Variants in TLL1 observed in about 807,000 individuals in gnomAD.
TLL1 encodes the protein tolloid-like protein 1.
TLL1 carries 49 observed loss-of-function variants against 128.2 expected under a neutral mutation model. That is an observed-to-expected ratio of 0.38 (90% CI 0.30 to 0.48). The LOEUF (loss-of-function observed/expected upper bound fraction) is 0.48. TLL1 is among the 20% of genes least tolerant of loss of function. The pLI is 0.96. For missense variants in TLL1, 1,123 were observed against 1,242.0 expected (o/e 0.90, Z 1.44); for synonymous variants, 454 against 418.8 (o/e 1.08, Z -1.03).
At chr4:166,025,570 G>A in intron 9 of TLL1, 139 bp downstream of exon 9, 1 of 713,986 alleles carries the variant, frequency 1.4e-6, no homozygotes, top group Non-Finnish European at 2.4e-6. Flanking sequence ...ATTCATAATG[G>A]GAATTGCTTA....
intron 15 of TLL1, among the ~76,000 whole-genome samples, chr4:166,062,929 G>C (rs950637231): frequency 1.3e-5 from 2 of 152,074 alleles, no homozygotes; most frequent in Non-Finnish European, 2.9e-5. Context: ...TTAGCATGAA[G>C]GGCTGTTGCA....
intron 19 of TLL1, among the ~76,000 whole-genome samples, chr4:166,094,971 T>C (rs1313700682): frequency 6.6e-6 from 1 of 152,116 alleles, no homozygotes. Context: ...AACTTATGAT[T>C]TTCAATTTAT....
chr4:165,880,782 G>A (rs1307612656), intron 1 of TLL1, among the ~76,000 whole-genome samples: 1 of 152,150 alleles, frequency 6.6e-6, no homozygotes. Context: ...GGGGTAAAAG[G>A]GTGAAATAGT....
In TLL1 at chr4:166,033,956, A is replaced by T. The variant is rs1272988532; in HGVS notation, c.1159-5383A>T. On this transcript the variant is annotated intron_variant, in intron 9 of 20. Transcript: ENST00000061240. ...ATAACCCATTTAGAAGCTATTGACT[A>T]TTTTTTGCAGATATTTCTTTTTAAT... Among the ~76,000 whole-genome samples the T allele has an allele frequency of 7.2e-5, 11 of 152,112 alleles. No homozygotes were observed. The East Asian group carries it at 2.1e-3, about 29-fold the overall frequency.
rs1055438174 is a variant in TLL1, at chr4:165,960,345, A to G, written c.170-29036A>G. On this transcript the variant is annotated intron_variant, in intron 1 of 20. Transcript: ENST00000061240. ...AAAAAACTGTAAACAAGCAAACAAA[A>G]ACCCTAGAATAGATGTATTTACAGC... is the stretch of plus-strand genomic sequence containing the variant. Among the ~76,000 whole-genome samples, 4 of 152,098 alleles carry G rather than the reference A, an allele frequency of 2.6e-5. No individual in the cohort carries two copies. In the East Asian group the frequency reaches 7.7e-4, roughly 29 times the overall value.
chr4:165,952,323 A>T (rs940235239), intron 1 of TLL1, among the ~76,000 whole-genome samples: 1 of 152,166 alleles, frequency 6.6e-6, no homozygotes, highest in Non-Finnish European at 1.5e-5. Flanking sequence ...ACTTTTAAAC[A>T]TTTTTGTACA....
chr4:166,065,986 A>G (rs199511751), intron 16 of TLL1, 123 bp downstream of exon 16: 1 of 189,204 alleles, frequency 5.3e-6, no homozygotes, highest in Non-Finnish European at 8.0e-6. Flanking sequence ...TAGGCCTTAC[A>G]AACAACACAA....
chr4:166,083,902 C>A (rs545104317), intron 18 of TLL1, among the ~76,000 whole-genome samples: 2 of 152,252 alleles, frequency 1.3e-5, no homozygotes, highest in South Asian at 2.1e-4. Flanking sequence ...TTGATATATA[C>A]CCAGTAGTGA....
rs1304587790 is a variant in TLL1 at position 165,999,185 on chromosome 4, CCA to C, written c.632+4008_632+4009del. On this transcript the variant is annotated intron_variant, in intron 5 of 20. Coordinates refer to ENST00000061240, the MANE Select transcript of TLL1 (RefSeq NM_012464.5). ...ACCAACCACTGCCCGTTACCCAGTT[CCA>C]AAGTTGCTTCCACATTTTCAGGTAT... 6.6e-4 allele frequency among the ~76,000 whole-genome samples: 101 copies of C among 152,304 alleles called. 1 individual carries two copies. The highest frequency in any genetic ancestry group is 2.3e-3 in the African/African-American group (97 of 41,568).
intron 2 of TLL1, among the ~76,000 whole-genome samples, chr4:165,992,273 A>C (rs1736679120): frequency 6.6e-6 from 1 of 152,060 alleles, no homozygotes; most frequent in African/African-American, 2.4e-5. Flanking sequence ...AATTCAACTA[A>C]ATTTTCAAAA....
chr4:165,953,877 C>A (rs1010432004), intron 1 of TLL1, among the ~76,000 whole-genome samples: 15 of 151,956 alleles, frequency 9.9e-5, no homozygotes, highest in African/African-American at 3.4e-4. Flanking sequence ...AGAAGGGATC[C>A]TGTGGCAAAA....
chr4:165,919,551 T>C (rs1454684127), intron 1 of TLL1, among the ~76,000 whole-genome samples: 2 of 152,130 alleles, frequency 1.3e-5, no homozygotes, highest in Non-Finnish European at 2.9e-5. Context: ...ACTTTCTGTG[T>C]ATTCCATAAT....
chr4:166,090,963 A>G (rs868545420), intron 18 of TLL1, among the ~76,000 whole-genome samples, 165 bp from the exon 19 acceptor site: 3 of 114,718 alleles, frequency 2.6e-5, no homozygotes, highest in Admixed American at 2.1e-4. Context: ...CTTTTTAGAG[A>G]TTACATATTT....
chr4:166,036,772 G>A (rs1435581145), intron 9 of TLL1, among the ~76,000 whole-genome samples: 1 of 148,866 alleles, frequency 6.7e-6, no homozygotes, highest in East Asian at 2.0e-4. Context: ...TTTCTGCTTA[G>A]AGTTATCCCT....
At chr4:165,974,726 T>C (rs1735794861) in intron 1 of TLL1, among the ~76,000 whole-genome samples, 1 of 152,180 alleles carries the variant, frequency 6.6e-6, no homozygotes, top group Non-Finnish European at 1.5e-5. Flanking sequence ...ATTATACTTA[T>C]ATTATATCCC....
chr4:165,982,939 C>G (rs1470137046), intron 1 of TLL1, among the ~76,000 whole-genome samples: 2 of 151,732 alleles, frequency 1.3e-5, no homozygotes, highest in Non-Finnish European at 2.9e-5. Context: ...CCTGTCCTTA[C>G]AAAATATATG....
chr4:165,902,009 C>T (rs1369735087), intron 1 of TLL1, among the ~76,000 whole-genome samples: 3 of 152,096 alleles, frequency 2.0e-5, no homozygotes, highest in African/African-American at 2.4e-5. Context: ...TGGGTTCTGC[C>T]GAGTTCGAAC....
chr4:165,897,373 T>C (rs1731729868), intron 1 of TLL1, among the ~76,000 whole-genome samples: 1 of 152,228 alleles, frequency 6.6e-6, no homozygotes, highest in African/African-American at 2.4e-5. Flanking sequence ...TACATTTAAG[T>C]CTTTAATCCA....
At chr4:166,032,139 G>A (rs1241797789) in intron 9 of TLL1, among the ~76,000 whole-genome samples, 1 of 151,960 alleles carries the variant, frequency 6.6e-6, no homozygotes, top group Non-Finnish European at 1.5e-5. Context: ...AGCAAGACTA[G>A]AGATATTCAA....
Sources: allele counts gnomAD v4.1 joint callset (sites outside exome capture counted in the v4.1 genomes callset), GRCh38; gene constraint gnomAD v4.1.1; transcripts MANE v1.5; gene names NCBI Gene and HGNC (gene_info 2026-07-23, HGNC 2026-07-21).